TINAG: variants seen among roughly 807,000 people sequenced by gnomAD.
The protein encoded by TINAG is tubulointerstitial nephritis antigen.
Under a neutral mutation model 72.7 loss-of-function variants are expected in TINAG, and 83 were observed. That is an observed-to-expected ratio of 1.14 (90% CI 0.96 to 1.37). The LOEUF (loss-of-function observed/expected upper bound fraction) is 1.37. TINAG is among the 40% of genes most tolerant of loss of function. The probability of loss-of-function intolerance (pLI) is 0.00; values close to 1 mark genes in which losing one functional copy is unlikely to be tolerated. For missense variants in TINAG, 685 were observed against 576.6 expected, an observed-to-expected ratio of 1.19 and a Z score of -1.93; for synonymous variants, 234 against 189.9, an observed-to-expected ratio of 1.23 and a Z score of -1.91.
chr6:54,312,894 A>G (rs9370285), intron 1 of TINAG, among the ~76,000 whole-genome samples: 4,055 of 151,754 alleles, frequency 0.027, 125 homozygotes, highest in East Asian at 0.063. Context: ...ACCCCTTGCT[A>G]TTTTCTCTCT....
intron 10 of TINAG, among the ~76,000 whole-genome samples, chr6:54,383,660 A>G (rs1369243927): frequency 6.6e-6 from 1 of 152,154 alleles, no homozygotes; most frequent in Non-Finnish European, 1.5e-5. Context: ...GAAAAATACT[A>G]TCAATAGAAG....
Position 54,347,455 on chromosome 6 carries a change from G to C in TINAG, c.837G>C (p.Lys279Asn). Residue 279 changes from lysine (K) to asparagine (N), a missense_variant, in exon 6 of 11, where the codon AAG becomes AAC. By Grantham distance (94) the Lys-to-Asn change is moderately conservative. Coordinates refer to ENST00000259782, the MANE Select transcript of TINAG (RefSeq NM_014464.4). ...AGAATTTGATCTCTTGCTGTGCCAA[G>C]AACCGTCATGGATGCAATAGTGGAA... ...SPQNLISCCA[K>N]NRHGCNSGSI... 6.2e-7 allele frequency: 1 copy of C among 1,613,268 alleles called. No individual in the cohort carries two copies. The highest frequency in any genetic ancestry group is 2.2e-5 in the East Asian group (1 of 44,792).
chr6:54,332,301 C>T (rs143334149), intron 4 of TINAG, among the ~76,000 whole-genome samples: 2,203 of 151,946 alleles, frequency 0.014, 57 homozygotes, highest in African/African-American at 0.05. Context: ...CAGAGGCCTC[C>T]GAAATAACAC....
chr6:54,343,356 A>C lies in TINAG; in HGVS notation c.748+7A>C. The C allele has an allele frequency of 6.6e-7, 1 of 1,517,452 alleles. No homozygotes were observed. Among genetic ancestry groups the C allele is most frequent in the Admixed American group, 1.9e-5 (1 of 51,804 alleles). 94.0% of individuals were successfully genotyped at this position (1,517,452 alleles called of 1,614,324 possible). On this transcript the variant is annotated splice_region_variant and intron_variant, in intron 5 of 10. Coordinates refer to ENST00000259782, the MANE Select transcript of TINAG (RefSeq NM_014464.4). ...TGGGCATTTTCCACTGCAAGTAATA[A>C]AGTCATTTTAATTCCTTCCTTATAA...
At position 54,326,768 on chromosome 6, in the gene TINAG, A is replaced by AT. The variant is rs780723052; in HGVS notation, c.510-29dup. 1,028 of 1,484,916 alleles carry AT rather than the reference A, an allele frequency of 6.9e-4. 4 individuals carry two copies. The highest frequency in any genetic ancestry group is 2.1e-3 in the Middle Eastern group (12 of 5,718). The allele number at this position is 1,484,916 out of a possible 1,614,324, so 92.0% of individuals were successfully genotyped here. A position where few individuals can be genotyped will look rare whatever the true frequency, so the allele number is the denominator to read the frequency against. ...AAGTGATGTCATATAACCTGTATAT[A>AT]TTTTTCTATATTTTTCTCTCATTTG... On this transcript the variant is annotated intron_variant, in intron 3 of 10. Coordinates refer to ENST00000259782, the MANE Select transcript of TINAG (RefSeq NM_014464.4).
At chr6:54,387,166 T>A (rs1022128465) in intron 10 of TINAG, among the ~76,000 whole-genome samples, 1 of 152,176 alleles carries the variant, frequency 6.6e-6, no homozygotes, top group Non-Finnish European at 1.5e-5. Flanking sequence ...ATGGTCAATG[T>A]TACTAATTAT....
At chr6:54,353,309 A>G (rs1785310844) in intron 8 of TINAG, among the ~76,000 whole-genome samples, 1 of 151,874 alleles carries the variant, frequency 6.6e-6, no homozygotes, top group South Asian at 2.1e-4. Context: ...ATATCTTCAC[A>G]TTTTTATAAA....
At chr6:54,343,825 C>A (rs539009631) in intron 5 of TINAG, among the ~76,000 whole-genome samples, 3 of 152,098 alleles carry the variant, frequency 2.0e-5, no homozygotes, top group African/African-American at 7.2e-5. Flanking sequence ...GATTTTATTT[C>A]ATTTTAAATA....
intron 9 of TINAG, among the ~76,000 whole-genome samples, chr6:54,369,024 T>A (rs1445326532): frequency 6.6e-6 from 1 of 151,882 alleles, no homozygotes; most frequent in Non-Finnish European, 1.5e-5. Flanking sequence ...ATCATAAAAG[T>A]AATAACGTAG....
At chr6:54,372,093 G>T (rs1199785688) in intron 9 of TINAG, among the ~76,000 whole-genome samples, 1 of 140,592 alleles carries the variant, frequency 7.1e-6, no homozygotes, top group Admixed American at 7.8e-5. Flanking sequence ...CTGGGTTCAA[G>T]TTATTCTCCT....
chr6:54,389,703 T>C, intron 10 of TINAG, 88 bp from the exon 11 acceptor site: 8 of 1,466,486 alleles, frequency 5.5e-6, no homozygotes, highest in Non-Finnish European at 7.3e-6. Context: ...TCAAAGGCAT[T>C]TAAAGTTACA....
Position 54,347,486 on chromosome 6 carries a change from G to C in TINAG, c.868G>C (p.Asp290His), listed in dbSNP as rs773073432. 1.2e-6 allele frequency: 2 copies of C among 1,613,064 alleles called. No homozygotes were observed. The highest frequency in any genetic ancestry group is 1.7e-5 in the Admixed American group (1 of 59,898). The change falls in exon 6 of 11, where the codon GAT becomes CAT. Residue 290 changes from aspartate (D) to histidine (H), a missense_variant. Coordinates refer to ENST00000259782, the MANE Select transcript of TINAG (RefSeq NM_014464.4). ...NRHGCNSGSI[D>H]RAWWYLRKRG... ...TCATGGATGCAATAGTGGAAGCATC[G>C]ATAGGGCTTGGTGGTACCTGAGAAA...
At chr6:54,338,512 G>A (rs2150950987) in intron 4 of TINAG, among the ~76,000 whole-genome samples, 1 of 152,048 alleles carries the variant, frequency 6.6e-6, no homozygotes, top group East Asian at 1.9e-4. Flanking sequence ...ACAAGGTCAG[G>A]AGATCAAGAC....
At chr6:54,335,002 G>C (rs1784827060) in intron 4 of TINAG, among the ~76,000 whole-genome samples, 3 of 151,994 alleles carry the variant, frequency 2.0e-5, no homozygotes, top group Non-Finnish European at 4.4e-5. Flanking sequence ...AGAAAAAATA[G>C]TGGGCAGCAT....
At chr6:54,380,127 G>T (rs915539133) in intron 9 of TINAG, among the ~76,000 whole-genome samples, 2 of 152,094 alleles carry the variant, frequency 1.3e-5, no homozygotes, top group Non-Finnish European at 2.9e-5. Context: ...TTTTATGGCT[G>T]CATAGTATTC....
intron 9 of TINAG, among the ~76,000 whole-genome samples, chr6:54,376,269 T>C (rs1443081753): frequency 6.6e-6 from 1 of 152,198 alleles, no homozygotes; most frequent in African/African-American, 2.4e-5. Context: ...TTGTTTTTCA[T>C]TCCTCAATAT....
chr6:54,341,292 C>T (rs1784990961), intron 4 of TINAG, among the ~76,000 whole-genome samples: 1 of 152,134 alleles, frequency 6.6e-6, no homozygotes, highest in Non-Finnish European at 1.5e-5. Flanking sequence ...AAAAGTGAGT[C>T]TGTATCTCTC....
chr6:54,327,076 C>T, intron 4 of TINAG, 160 bp downstream of exon 4: 1 of 1,546,572 alleles, frequency 6.5e-7, no homozygotes, highest in Non-Finnish European at 8.7e-7. Context: ...GGTTGTTAAA[C>T]CCCTCAAAAG....
chr6:54,340,456 T>A (rs968090851), intron 4 of TINAG, among the ~76,000 whole-genome samples: 2 of 152,030 alleles, frequency 1.3e-5, no homozygotes, highest in African/African-American at 4.8e-5. Flanking sequence ...CTATTACCAA[T>A]TCCTAACAGC....
Sources: gnomAD v4.1 joint callset for allele counts (sites outside exome capture counted in the v4.1 genomes callset) on GRCh38, gnomAD v4.1.1 for gene constraint, MANE v1.5 for transcripts, NCBI Gene and HGNC (gene_info 2026-07-23, HGNC 2026-07-21) for gene names.